The following SHROOM2 variants were observed in gnomAD, a reference collection of about 807,000 sequenced individuals.
SHROOM2 encodes shroom family member 2.
SHROOM2 carries 33 observed loss-of-function variants against 75.9 expected under a neutral mutation model. The ratio of observed to expected loss-of-function variants is 0.43; its 90% CI spans 0.33 to 0.58. SHROOM2 has a LOEUF of 0.58. SHROOM2 is among the 20% of genes least tolerant of loss of function. The probability of loss-of-function intolerance (pLI) is 0.04; values close to 1 mark genes in which losing one functional copy is unlikely to be tolerated. For missense variants in SHROOM2, 1,434 were observed against 1,461.2 expected, an observed-to-expected ratio of 0.98 and a Z score of 0.30; for synonymous variants, 655 against 663.6, an observed-to-expected ratio of 0.99 and a Z score of 0.20.
At chrX:9,923,412 G>A (rs2084565953) in intron 5 of SHROOM2, among the ~76,000 whole-genome samples, 2 of 112,298 alleles carry the variant, frequency 1.8e-5, no homozygotes, top group South Asian at 3.7e-4. Flanking sequence ...GAAAACTTCA[G>A]GAATAGCTTT....
At chrX:9,792,091 G>GA (rs1417783975) in intron 1 of SHROOM2, among the ~76,000 whole-genome samples, 2 of 14,783 alleles carry the variant, frequency 1.4e-4, no homozygotes, top group Admixed American at 2.5e-3. Context: ...GAATAGAATA[G>GA]AATAGAATAG....
At chrX:9,930,221 C>T (rs16985801) in intron 5 of SHROOM2, among the ~76,000 whole-genome samples, 2,165 of 111,290 alleles carry the variant, frequency 0.019, 38 homozygotes, top group African/African-American at 0.06. Context: ...AATTATTGAA[C>T]GCTGAAATAT....
intron 1 of SHROOM2, among the ~76,000 whole-genome samples, chrX:9,865,837 A>G (rs1184121962): frequency 2.8e-5 from 3 of 109,083 alleles, no homozygotes; most frequent in Non-Finnish European, 1.9e-5. Flanking sequence ...TGAGATTACA[A>G]GCGTGAGCCA....
chrX:9,863,618 G>A (rs1007429171), intron 1 of SHROOM2, among the ~76,000 whole-genome samples: 34 of 108,220 alleles, frequency 3.1e-4, no homozygotes, highest in Non-Finnish European at 5.0e-4. Context: ...TTTTTTGGGG[G>A]GGGTGTATAT....
intron 1 of SHROOM2, among the ~76,000 whole-genome samples, chrX:9,786,945 C>T (rs1457639661): frequency 1.8e-5 from 2 of 111,659 alleles, no homozygotes; most frequent in African/African-American, 6.5e-5. Context: ...TTTCCCCTCC[C>T]CCTCCCTCCT....
At chrX:9,854,402 T>C (rs2084055834) in intron 1 of SHROOM2, among the ~76,000 whole-genome samples, 1 of 111,769 alleles carries the variant, frequency 8.9e-6, no homozygotes, top group Non-Finnish European at 1.9e-5. Flanking sequence ...GCAGCCCACA[T>C]CTGGTTCCAG....
chrX:9,848,145 C>T (rs1408900764), intron 1 of SHROOM2, among the ~76,000 whole-genome samples: 1 of 112,052 alleles, frequency 8.9e-6, no homozygotes, highest in Non-Finnish European at 1.9e-5. Context: ...CTGAGGCCAT[C>T]GAGGAACCTG....
chrX:9,900,220 G>A (rs73632617), intron 5 of SHROOM2, among the ~76,000 whole-genome samples: 326 of 110,852 alleles, frequency 2.9e-3, no homozygotes, highest in African/African-American at 7.9e-3. Context: ...TTTTTGAGTG[G>A]TGAGGCGCGA....
At chrX:9,889,657 C>T (rs758277566) in intron 2 of SHROOM2, among the ~76,000 whole-genome samples, 19 of 112,093 alleles carry the variant, frequency 1.7e-4, no homozygotes, top group Non-Finnish European at 3.0e-4. Context: ...GGGACTGTGG[C>T]GGGGGAGCCC....
chrX:9,919,449 A>T (rs1228606489), intron 5 of SHROOM2, among the ~76,000 whole-genome samples: 1 of 99,281 alleles, frequency 1.0e-5, no homozygotes, highest in African/African-American at 3.8e-5. Flanking sequence ...CTCCTGCCTT[A>T]GCCTCCTGAG....
chrX:9,913,605 G>T (rs1000672459), intron 5 of SHROOM2, among the ~76,000 whole-genome samples: 2 of 112,270 alleles, frequency 1.8e-5, no homozygotes, highest in Non-Finnish European at 3.8e-5. Flanking sequence ...AAATATGTTT[G>T]CACACACAGG....
chrX:9,877,192 G>A (rs1202842118), intron 2 of SHROOM2, among the ~76,000 whole-genome samples: 1 of 112,082 alleles, frequency 8.9e-6, no homozygotes, highest in Admixed American at 9.4e-5. Context: ...CTGGTGCTGG[G>A]AAAGCGATGC....
chrX:9,941,369 G>A (rs765989084), intron 8 of SHROOM2, among the ~76,000 whole-genome samples: 1 of 112,297 alleles, frequency 8.9e-6, no homozygotes, highest in African/African-American at 3.2e-5. Flanking sequence ...ATGGACCACA[G>A]TGGTGAGCCC....
intron 1 of SHROOM2, among the ~76,000 whole-genome samples, chrX:9,856,232 A>G (rs1892945270): frequency 9.1e-6 from 1 of 110,441 alleles, no homozygotes; most frequent in African/African-American, 3.3e-5. Context: ...TTTGATTCTA[A>G]CAAGAGTTCA....
At chrX:9,800,103 C>T (rs1050824805) in intron 1 of SHROOM2, among the ~76,000 whole-genome samples, 1 of 111,468 alleles carries the variant, frequency 9.0e-6, no homozygotes, top group African/African-American at 3.3e-5. Flanking sequence ...TTGCTTTCTT[C>T]TCATGCCCAG....
intron 5 of SHROOM2, among the ~76,000 whole-genome samples, chrX:9,927,911 G>C (rs976310813): frequency 1.3e-4 from 14 of 111,365 alleles, no homozygotes; most frequent in Non-Finnish European, 2.5e-4. Context: ...GGCAGGGGCA[G>C]TGCAAGGAGA....
chrX:9,936,801 G>C (rs1399618814), intron 6 of SHROOM2, among the ~76,000 whole-genome samples: 1 of 112,526 alleles, frequency 8.9e-6, no homozygotes, highest in Non-Finnish European at 1.9e-5. Flanking sequence ...GTTGAAGTTT[G>C]CATTATCATC....
intron 4 of SHROOM2, among the ~76,000 whole-genome samples, chrX:9,897,044 A>AT (rs2084336682): frequency 8.9e-6 from 1 of 112,539 alleles, no homozygotes; most frequent in Non-Finnish European, 1.9e-5. Context: ...CGCCTCTGAC[A>AT]TGGAAATGTG....
At chrX:9,823,055 T>TCCTCCCTTCTC (rs2083864004) in intron 1 of SHROOM2, among the ~76,000 whole-genome samples, 1 of 84,175 alleles carries the variant, frequency 1.2e-5, no homozygotes, top group African/African-American at 4.2e-5. Flanking sequence ...CTCCTCCTCC[T>TCCTCCCTTCTC]CCTCCTCCTC....
Sources: gnomAD v4.1 joint callset for allele counts (sites outside exome capture counted in the v4.1 genomes callset) on GRCh38, gnomAD v4.1.1 for gene constraint, MANE v1.5 for transcripts, NCBI Gene and HGNC (gene_info 2026-07-23, HGNC 2026-07-21) for gene names.